TFAP4: variants seen among roughly 807,000 people sequenced by gnomAD.
TFAP4 encodes activating enhancer-binding protein 4.
Under a neutral mutation model 40.4 loss-of-function variants are expected in TFAP4, and 7 were observed. The observed-to-expected ratio is 0.17, with a 90% confidence interval of 0.10 to 0.33. The LOEUF is 0.33. TFAP4 is among the 10% of genes least tolerant of loss of function. The pLI is 1.00. For missense variants in TFAP4, 374 were observed against 451.1 expected, an observed-to-expected ratio of 0.83 and a Z score of 1.55; for synonymous variants, 218 against 181.4, an observed-to-expected ratio of 1.20 and a Z score of -1.62.
rs142070465 is a variant in TFAP4, at chr16:4,260,141, C to A, written c.771G>T (p.Ser257=). ...HINVVTMGPS[S]VINSVSTSRQ... is the part of the protein sequence containing the mutation. ...GGGATGTGGAAACAGAGTTGATGAC[C>A]GAGGAGGGGCCCATGGTGACGACAT... Residue 257 remains serine, a synonymous_variant, in exon 6 of 7, where the codon TCG becomes TCT. Coordinates refer to ENST00000204517, the MANE Select transcript of TFAP4 (RefSeq NM_003223.3). The A allele has an allele frequency of 3.3e-6, 5 of 1,520,742 alleles. No homozygotes were observed. In the African/African-American group the frequency reaches 7.2e-5, roughly 22 times the overall value. The allele number at this position is 1,520,742 out of a possible 1,614,324, so 94.2% of individuals were successfully genotyped here. A position where few individuals can be genotyped will look rare whatever the true frequency, so the allele number is the denominator to read the frequency against.
At chr16:4,268,346 G>C (rs1252654179) in intron 1 of TFAP4, among the ~76,000 whole-genome samples, 1 of 152,134 alleles carries the variant, frequency 6.6e-6, no homozygotes, top group Non-Finnish European at 1.5e-5. Context: ...CCAAGAGTTA[G>C]TTTGCACCCA....
chr16:4,268,636 A>C (rs1167967703), intron 1 of TFAP4, among the ~76,000 whole-genome samples: 1 of 151,982 alleles, frequency 6.6e-6, no homozygotes, highest in East Asian at 1.9e-4. Context: ...CCGTCACCCA[A>C]GCTGGAGTGC....
chr16:4,267,448 A>T, intron 1 of TFAP4, among the ~76,000 whole-genome samples: 1 of 152,260 alleles, frequency 6.6e-6, no homozygotes. Flanking sequence ...AAATTTGGGC[A>T]CCAGCCTTGG....
chr16:4,267,581 C>G (rs2053007608), intron 1 of TFAP4, among the ~76,000 whole-genome samples: 1 of 152,224 alleles, frequency 6.6e-6, no homozygotes, highest in African/African-American at 2.4e-5. Context: ...TAGAACCCTG[C>G]CAGGTACCTA....
In TFAP4 at chr16:4,260,464, C is replaced by T; in HGVS notation, c.657G>A (p.Leu219=). The change falls in exon 5 of 7, where the codon CTG becomes CTA. Residue 219 remains leucine, a synonymous_variant. Transcript: ENST00000204517. ...GGCGCCTCCTGCTCACCTGGGTCCG[C>T]AGCTGCTGCTGTTCCCGCTCCAGCT... is the stretch of plus-strand genomic sequence containing the variant. ...QEKLEREQQQ[L]RTQLLPPPAP... 1 of 1,592,184 alleles carries T rather than the reference C, an allele frequency of 6.3e-7. No individual in the cohort carries two copies.
rs760511509 is a variant in TFAP4, at chr16:4,258,076, C to G, written c.996G>C (p.Ser332=). The change falls in exon 7 of 7, where the codon TCG becomes TCC. Residue 332 remains serine (S), a synonymous_variant. Coordinates refer to ENST00000204517, the MANE Select transcript of TFAP4 (RefSeq NM_003223.3). ...DAMDQSREEP[S]GDGELP ...GTAGTCAGGGAAGCTCCCCGTCCCCCGACGGCTCCTCCCGGCTCTGGTCCA... is the reference window on the plus strand; with the variant it reads ...GTAGTCAGGGAAGCTCCCCGTCCCCGGACGGCTCCTCCCGGCTCTGGTCCA... The G allele has an allele frequency of 3.8e-5, 62 of 1,612,544 alleles. No homozygotes were observed. The highest frequency in any genetic ancestry group is 4.9e-5 in the Non-Finnish European group (58 of 1,179,792).
chr16:4,264,718 G>A (rs988480422), intron 1 of TFAP4: 21 of 152,392 alleles, frequency 1.4e-4, no homozygotes, highest in African/African-American at 4.6e-4. Flanking sequence ...CCCAGCCTTA[G>A]GGCGGAGTCC....
At chr16:4,258,930 A>G (rs961282177) in intron 6 of TFAP4, 2 of 151,860 alleles carry the variant, frequency 1.3e-5, no homozygotes, top group African/African-American at 4.8e-5. Flanking sequence ...GCCTACTAAA[A>G]ATACAAAATT....
rs950839372 is a variant in TFAP4 at position 4,258,072 on chromosome 16, C to A, written c.1000G>T (p.Asp334Tyr). The A allele has an allele frequency of 1.2e-6, 2 of 1,612,258 alleles. No individual in the cohort carries two copies. Among genetic ancestry groups the A allele is most frequent in the African/African-American group, 1.3e-5 (1 of 74,868 alleles). The change falls in exon 7 of 7, where the codon GAC (aspartate) becomes TAC (tyrosine). Residue 334 changes from aspartate (D) to tyrosine (Y), a missense_variant. By Grantham distance (160) the Asp-to-Tyr change is radical. This residue lies in a region of TFAP4 where 93 missense variants were observed against 79.2 expected (regional missense o/e 1.17). Coordinates refer to ENST00000204517, the MANE Select transcript of TFAP4 (RefSeq NM_003223.3). ...GGGGGTAGTCAGGGAAGCTCCCCGT[C>A]CCCCGACGGCTCCTCCCGGCTCTGG... ...MDQSREEPSG[D>Y]GELP
Sources: gnomAD v4.1 joint callset for allele counts (sites outside exome capture counted in the v4.1 genomes callset) on GRCh38, gnomAD v4.1.1 for gene constraint, gnomAD v4.1.1 regional missense constraint, MANE v1.5 for transcripts, NCBI Gene and HGNC (gene_info 2026-07-23, HGNC 2026-07-21) for gene names.